Variants in RALGPS2 observed in about 807,000 individuals in gnomAD.
RALGPS2 encodes the protein Ral GEF with PH domain and SH3 binding motif 2.
In RALGPS2, 43 loss-of-function variants were observed where a neutral mutation model predicts 86.8. The ratio of observed to expected loss-of-function variants is 0.50; its 90% CI spans 0.39 to 0.64. RALGPS2 has a LOEUF of 0.64. Among genes scored for constraint, RALGPS2 ranks in the 30% least tolerant of loss-of-function variants. The pLI, the probability that RALGPS2 is intolerant of heterozygous loss-of-function variation, is 0.00. For synonymous variants in RALGPS2, 243 were observed against 231.3 expected (o/e 1.05, Z -0.46); for missense variants, 536 against 694.6 (o/e 0.77, Z 2.57).
intron 2 of RALGPS2, among the ~76,000 whole-genome samples, chr1:178,782,556 A>G (rs1425979455): frequency 6.6e-6 from 1 of 152,092 alleles, no homozygotes; most frequent in African/African-American, 2.4e-5. Flanking sequence ...CCAGGGGGAC[A>G]GAGAAGCATT....
At chr1:178,746,685 A>C in intron 1 of RALGPS2, 1 of 772,776 alleles carries the variant, frequency 1.3e-6, no homozygotes, top group African/African-American at 1.7e-5. Context: ...CATGAATATT[A>C]GGTATCTGTC....
chr1:178,778,646 A>G (rs1572322731), intron 2 of RALGPS2, among the ~76,000 whole-genome samples: 1 of 128,544 alleles, frequency 7.8e-6, no homozygotes, highest in Non-Finnish European at 1.6e-5. Context: ...AACCAACCCA[A>G]ATGTCCAACA....
At chr1:178,848,555 G>T (rs111940129) in intron 8 of RALGPS2, among the ~76,000 whole-genome samples, 3,743 of 152,128 alleles carry the variant, frequency 0.025, 150 homozygotes, top group African/African-American at 0.085. Flanking sequence ...TTTATTTTTG[G>T]TCCAGCCACT....
In RALGPS2 at chr1:178,728,638, G is replaced by A. The variant is rs77407128; in HGVS notation, c.-84+3219G>A. On this transcript the variant is annotated intron_variant, in intron 1 of 19. Coordinates refer to ENST00000367635, the MANE Select transcript of RALGPS2 (RefSeq NM_152663.5). Reference sequence around the variant, plus strand: ...AGCTTGAAACTACCCCAGCCTGAGTGAAGTTCCTTGGAGAGGAAAATGAAT... The same window carrying A: ...AGCTTGAAACTACCCCAGCCTGAGTAAAGTTCCTTGGAGAGGAAAATGAAT... Among the ~76,000 whole-genome samples the A allele has an allele frequency of 3.7e-3, 556 of 152,168 alleles. 5 individuals carry two copies. Among genetic ancestry groups the A allele is most frequent in the African/African-American group, 0.012 (503 of 41,536 alleles).
rs1300158700 is a variant in RALGPS2 at position 178,881,068 on chromosome 1, G to A, written c.836+2076G>A. On this transcript the variant is annotated intron_variant, in intron 10 of 19. Transcript: ENST00000367635. ...TAGGCCAGTTACTGTGCTAGTTGCT[G>A]GGATTATAAAAATAAGATACTGTTC... Among the ~76,000 whole-genome samples the A allele has an allele frequency of 3.3e-5, 5 of 152,078 alleles. No homozygotes were observed. The South Asian group carries it at 8.3e-4, about 25-fold the overall frequency.
At chr1:178,846,898 A>C (rs1656891393) in intron 8 of RALGPS2, among the ~76,000 whole-genome samples, 1 of 152,238 alleles carries the variant, frequency 6.6e-6, no homozygotes, top group Admixed American at 6.5e-5. Flanking sequence ...TACTTTATAT[A>C]GATTATCTAA....
chr1:178,799,515 C>T (rs1448519384), intron 4 of RALGPS2, among the ~76,000 whole-genome samples: 1 of 152,084 alleles, frequency 6.6e-6, no homozygotes, highest in Non-Finnish European at 1.5e-5. Context: ...ACCTATAAAG[C>T]TGCTAAACCC....
intron 6 of RALGPS2, among the ~76,000 whole-genome samples, chr1:178,813,903 A>C (rs542771378): frequency 6.6e-6 from 1 of 152,198 alleles, no homozygotes; most frequent in East Asian, 1.9e-4. Flanking sequence ...GGGTTCGATT[A>C]AATAACTGAT....
chr1:178,902,729 G>A lies in RALGPS2; in HGVS notation c.1630+518G>A, dbSNP rs187782801. ...AATATTCTGCAGTCTTATCCACACA[G>A]ATCTAGAGATGCCACACAATTATTG... On this transcript the variant is annotated intron_variant, in intron 18 of 19. Coordinates refer to ENST00000367635, the MANE Select transcript of RALGPS2 (RefSeq NM_152663.5). 5.2e-4 allele frequency among the ~76,000 whole-genome samples: 79 copies of A among 152,100 alleles called. No individual in the cohort carries two copies. The East Asian group carries it at 0.013, about 25-fold the overall frequency.
At chr1:178,862,688 A>G (rs964037637) in intron 8 of RALGPS2, among the ~76,000 whole-genome samples, 29 of 152,172 alleles carry the variant, frequency 1.9e-4, no homozygotes, top group African/African-American at 6.0e-4. Context: ...GGCAGAAAGC[A>G]TGAAAATATT....
intron 18 of RALGPS2, among the ~76,000 whole-genome samples, chr1:178,905,152 C>T (rs1045464915): frequency 1.3e-5 from 2 of 151,928 alleles, no homozygotes; most frequent in South Asian, 4.1e-4. Context: ...TGATTTGATT[C>T]TCTGTTTGGT....
Position 178,886,099 on chromosome 1 carries a change from C to A in RALGPS2, c.1171C>A (p.Leu391Ile), listed in dbSNP as rs570373045. ...TCGAGGCCAAGCTGAAAGTTCTACT[C>A]TTTCTAGTGGAATATCAATAGGTGA... ...PSRGQAESST[L>I]SSGISIGSSD... The change falls in exon 13 of 20, where the codon CTT becomes ATT. Residue 391 changes from leucine to isoleucine, a missense_variant. Physicochemically the swap from Leu to Ile is conservative, Grantham distance 5. Around this residue, in one of 3 missense-constraint regions of RALGPS2, gnomAD observed 309 missense variants for 363.0 expected, o/e 0.85. Coordinates refer to ENST00000367635, the MANE Select transcript of RALGPS2 (RefSeq NM_152663.5). The A allele has an allele frequency of 8.2e-5, 132 of 1,612,568 alleles. 4 individuals carry two copies. In the South Asian group the frequency reaches 1.4e-3, roughly 17 times the overall value.
At chr1:178,784,352 A>ATCTAGTTTC in intron 2 of RALGPS2, 66 bp from the exon 3 acceptor site, 4 of 1,295,768 alleles carry the variant, frequency 3.1e-6, no homozygotes, top group Non-Finnish European at 4.3e-6. Context: ...TTTAAGGCCA[A>ATCTAGTTTC]TCTAGTTTCT....
intron 8 of RALGPS2, among the ~76,000 whole-genome samples, chr1:178,840,213 A>G (rs1400803696): frequency 6.6e-6 from 1 of 152,222 alleles, no homozygotes; most frequent in African/African-American, 2.4e-5. Flanking sequence ...TCTCAGCACC[A>G]TGTTGCACTT....
intron 14 of RALGPS2, among the ~76,000 whole-genome samples, chr1:178,890,579 T>A: frequency 6.6e-6 from 1 of 152,002 alleles, no homozygotes; most frequent in East Asian, 1.9e-4. Flanking sequence ...AGTCACAATT[T>A]ATAAAACAAT....
intron 8 of RALGPS2, among the ~76,000 whole-genome samples, chr1:178,868,929 T>G (rs1271794656): frequency 6.6e-6 from 1 of 152,032 alleles, no homozygotes; most frequent in Non-Finnish European, 1.5e-5. Flanking sequence ...AGTAAAGAAC[T>G]GGTTTTAAAA....
intron 12 of RALGPS2, 124 bp downstream of exon 12, chr1:178,885,335 T>A (rs964705020): frequency 3.2e-6 from 3 of 931,832 alleles, no homozygotes; most frequent in African/African-American, 3.4e-5. Flanking sequence ...ATAGCTGTTT[T>A]CTGATTCAGT....
At chr1:178,790,934 T>C (rs1436200070) in intron 4 of RALGPS2, among the ~76,000 whole-genome samples, 2 of 152,186 alleles carry the variant, frequency 1.3e-5, no homozygotes, top group African/African-American at 4.8e-5. Flanking sequence ...GGAATTCTTA[T>C]TGTTAAATCA....
intron 8 of RALGPS2, among the ~76,000 whole-genome samples, chr1:178,867,304 A>G (rs1475873884): frequency 1.3e-5 from 2 of 152,116 alleles, no homozygotes; most frequent in East Asian, 3.8e-4. Flanking sequence ...GGCATCCAAA[A>G]GTTAAGTACC....
Sources: allele counts gnomAD v4.1 joint callset (sites outside exome capture counted in the v4.1 genomes callset), GRCh38; gene constraint gnomAD v4.1.1; regional missense constraint gnomAD v4.1.1; transcripts MANE v1.5; gene names NCBI Gene and HGNC (gene_info 2026-07-23, HGNC 2026-07-21).